The following CTDSPL2 variants were observed in gnomAD, a reference collection of about 807,000 sequenced individuals.
The protein encoded by CTDSPL2 is CTD small phosphatase like 2, also known as CTD small phosphatase-like protein 2.
A neutral mutation model predicts 60.0 loss-of-function variants in CTDSPL2; 5 were observed. The ratio of observed to expected loss-of-function variants is 0.08; its 90% CI spans 0.04 to 0.18. The LOEUF (loss-of-function observed/expected upper bound fraction) is 0.18, where lower values mean the gene tolerates loss of function less well. CTDSPL2 is among the 10% of genes least tolerant of loss of function. CTDSPL2 has a pLI of 1.00. For synonymous variants in CTDSPL2, 186 were observed against 189.3 expected, an observed-to-expected ratio of 0.98 and a Z score of 0.14; for missense variants, 370 against 548.8, an observed-to-expected ratio of 0.67 and a Z score of 3.26.
At chr15:44,435,256 CAAA>C (rs35787192) in intron 1 of CTDSPL2, among the ~76,000 whole-genome samples, 1 of 46,062 alleles carries the variant, frequency 2.2e-5, no homozygotes. Context: ...GACTCCGTCT[CAAA>C]AAAAAAAAAA....
intron 5 of CTDSPL2, among the ~76,000 whole-genome samples, chr15:44,496,059 A>T (rs1340852955): frequency 2.0e-5 from 3 of 152,202 alleles, no homozygotes; most frequent in Admixed American, 2.0e-4. Context: ...TTTGGTGATT[A>T]CATGTAAACA....
At chr15:44,496,082 A>G (rs181265782) in intron 5 of CTDSPL2, among the ~76,000 whole-genome samples, 1 of 152,352 alleles carries the variant, frequency 6.6e-6, no homozygotes, top group Admixed American at 6.5e-5. Flanking sequence ...ATACAATTAG[A>G]AGATTACATT....
intron 11 of CTDSPL2, 133 bp downstream of exon 11, chr15:44,519,428 T>G (rs557746327): frequency 3.7e-6 from 3 of 805,394 alleles, no homozygotes; most frequent in East Asian, 6.0e-5. Context: ...TGTCATTTTT[T>G]TAGAATTAGA....
chr15:44,474,219 A>C (rs1224319499), intron 2 of CTDSPL2, among the ~76,000 whole-genome samples: 1 of 152,156 alleles, frequency 6.6e-6, no homozygotes, highest in Admixed American at 6.5e-5. Flanking sequence ...TCACGCCTGT[A>C]ACGCCTGTAA....
chr15:44,458,203 T>G (rs2080488608), intron 1 of CTDSPL2, among the ~76,000 whole-genome samples: 1 of 152,238 alleles, frequency 6.6e-6, no homozygotes, highest in South Asian at 2.1e-4. Context: ...TGACTACAGA[T>G]TAGCCATGAT....
At chr15:44,451,281 A>G (rs1406283748) in intron 1 of CTDSPL2, among the ~76,000 whole-genome samples, 2 of 151,572 alleles carry the variant, frequency 1.3e-5, no homozygotes, top group Non-Finnish European at 2.9e-5. Flanking sequence ...TTTTGTTTTT[A>G]TTTTTTGTAG....
At chr15:44,458,704 T>C (rs562939553) in intron 1 of CTDSPL2, among the ~76,000 whole-genome samples, 6 of 152,358 alleles carry the variant, frequency 3.9e-5, no homozygotes, top group African/African-American at 1.4e-4. Flanking sequence ...TATAGTATTA[T>C]GTAAAGAGCA....
At chr15:44,503,029 A>C (rs1567096948) in intron 8 of CTDSPL2, among the ~76,000 whole-genome samples, 1 of 152,278 alleles carries the variant, frequency 6.6e-6, no homozygotes, top group East Asian at 1.9e-4. Flanking sequence ...TTAAAAAAAA[A>C]CCTGAAAGAT....
At chr15:44,464,674 A>C (rs1162052634) in intron 2 of CTDSPL2, among the ~76,000 whole-genome samples, 3 of 151,978 alleles carry the variant, frequency 2.0e-5, no homozygotes, top group Non-Finnish European at 2.9e-5. Context: ...CACTGGTCAT[A>C]CTTCTTTAGG....
At chr15:44,504,726 C>T (rs937941476) in intron 8 of CTDSPL2, among the ~76,000 whole-genome samples, 19 of 151,684 alleles carry the variant, frequency 1.3e-4, no homozygotes, top group African/African-American at 4.6e-4. Flanking sequence ...AAAAATTAGC[C>T]GGGCATGGTG....
At chr15:44,494,322 A>G (rs2081262665) in intron 5 of CTDSPL2, among the ~76,000 whole-genome samples, 1 of 152,182 alleles carries the variant, frequency 6.6e-6, no homozygotes, top group Non-Finnish European at 1.5e-5. Context: ...TAAGTCTTCT[A>G]AGCAGTGATT....
chr15:44,479,026 C>T (rs997596769), intron 2 of CTDSPL2, among the ~76,000 whole-genome samples: 1 of 151,034 alleles, frequency 6.6e-6, no homozygotes, highest in African/African-American at 2.4e-5. Flanking sequence ...TTTACATTTT[C>T]TTCATTTGTT....
intron 1 of CTDSPL2, among the ~76,000 whole-genome samples, chr15:44,456,516 A>G (rs1465199280): frequency 6.6e-6 from 1 of 152,258 alleles, no homozygotes; most frequent in East Asian, 1.9e-4. Flanking sequence ...TAGATTTTCT[A>G]GTTTATTTGC....
At chr15:44,477,226 C>G (rs912713928) in intron 2 of CTDSPL2, among the ~76,000 whole-genome samples, 1 of 152,008 alleles carries the variant, frequency 6.6e-6, no homozygotes, top group Non-Finnish European at 1.5e-5. Flanking sequence ...AAGACCCTGT[C>G]TTTAATAAAA....
intron 4 of CTDSPL2, among the ~76,000 whole-genome samples, chr15:44,489,030 T>C (rs1027873439): frequency 3.9e-5 from 6 of 151,996 alleles, no homozygotes; most frequent in African/African-American, 7.2e-5. Context: ...TTGGGAAGAA[T>C]AGTGAAGGTT....
At chr15:44,493,370 G>A (rs1445953091) in intron 5 of CTDSPL2, among the ~76,000 whole-genome samples, 2 of 152,116 alleles carry the variant, frequency 1.3e-5, no homozygotes, top group Non-Finnish European at 2.9e-5. Flanking sequence ...GTGTTACTTT[G>A]GACAGCTTAT....
intron 1 of CTDSPL2, among the ~76,000 whole-genome samples, chr15:44,440,342 C>T (rs1435457048): frequency 1.3e-5 from 2 of 151,480 alleles, no homozygotes; most frequent in Non-Finnish European, 2.9e-5. Flanking sequence ...ATTACAGGTG[C>T]GCACCACCAT....
rs149925158 is a variant in CTDSPL2, at chr15:44,485,488, T to C, written c.326-1063T>C. 4.3e-3 allele frequency among the ~76,000 whole-genome samples: 655 copies of C among 152,282 alleles called. 4 individuals carry two copies. Among genetic ancestry groups the C allele is most frequent in the African/African-American group, 0.015 (634 of 41,550 alleles). On this transcript the variant is annotated intron_variant, in intron 3 of 12. Coordinates refer to ENST00000260327, the MANE Select transcript of CTDSPL2 (RefSeq NM_016396.3). ...TCATCAGACATTAGTTAGATTCTCA[T>C]AAGGATCGCACAACCTAGATCCCTT... is the stretch of plus-strand genomic sequence containing the variant.
intron 1 of CTDSPL2, among the ~76,000 whole-genome samples, chr15:44,450,538 C>CGTTT (rs1348696706): frequency 6.7e-6 from 1 of 149,494 alleles, no homozygotes; most frequent in Non-Finnish European, 1.5e-5. Context: ...AATAATGAAA[C>CGTTT]GTTTATCTGT....
Sources: allele counts gnomAD v4.1 joint callset (sites outside exome capture counted in the v4.1 genomes callset), GRCh38; gene constraint gnomAD v4.1.1; transcripts MANE v1.5; gene names NCBI Gene and HGNC (gene_info 2026-07-23, HGNC 2026-07-21).